Variants in ROR2 observed in about 807,000 individuals in gnomAD.
ROR2 encodes tyrosine-protein kinase transmembrane receptor ROR2.
A neutral mutation model predicts 74.9 loss-of-function variants in ROR2; 33 were observed. That is an observed-to-expected ratio of 0.44 (90% confidence interval 0.33 to 0.59). The LOEUF is 0.59. Among genes scored for constraint, ROR2 ranks in the 20% least tolerant of loss-of-function variants. ROR2 has a pLI of 0.02. For missense variants in ROR2, 1,216 were observed against 1,313.8 expected, an observed-to-expected ratio of 0.93 and a Z score of 1.15; for synonymous variants, 586 against 558.7, an observed-to-expected ratio of 1.05 and a Z score of -0.69.
chr9:91,922,099 GCAA>G (rs556349605), intron 1 of ROR2, among the ~76,000 whole-genome samples: 5,684 of 147,618 alleles, frequency 0.039, 146 homozygotes, highest in African/African-American at 0.066. Context: ...CCAAACAACA[GCAA>G]CAACAACAAC....
intron 1 of ROR2, among the ~76,000 whole-genome samples, chr9:91,834,666 G>C (rs1376567141): frequency 6.6e-6 from 1 of 152,190 alleles, no homozygotes; most frequent in Non-Finnish European, 1.5e-5. Flanking sequence ...ATTCCAACAT[G>C]AAAAACCTAA....
At chr9:91,728,859 GC>G (rs1268553769) in intron 7 of ROR2, among the ~76,000 whole-genome samples, 2 of 152,170 alleles carry the variant, frequency 1.3e-5, no homozygotes, top group Non-Finnish European at 2.9e-5. Flanking sequence ...TCCCACAGCT[GC>G]ATGCCACTCC....
chr9:91,766,864 T>A (rs1826072722), intron 2 of ROR2, among the ~76,000 whole-genome samples: 1 of 152,178 alleles, frequency 6.6e-6, no homozygotes. Context: ...CCCTTTTAAT[T>A]GAACCAAAAA....
chr9:91,726,473 G>T, intron 8 of ROR2, 68 bp downstream of exon 8: 1 of 1,377,006 alleles, frequency 7.3e-7, no homozygotes, highest in Non-Finnish European at 1.0e-6. Context: ...ATTTAATGTT[G>T]GGGGAAACAA....
chr9:91,804,269 G>T (rs758918740), intron 1 of ROR2, among the ~76,000 whole-genome samples: 1 of 152,142 alleles, frequency 6.6e-6, no homozygotes, highest in Non-Finnish European at 1.5e-5. Flanking sequence ...CACCACCTTT[G>T]CCTCTCTCTC....
chr9:91,766,622 G>T (rs1237123923), intron 2 of ROR2, among the ~76,000 whole-genome samples: 2 of 152,202 alleles, frequency 1.3e-5, no homozygotes, highest in African/African-American at 4.8e-5. Flanking sequence ...TTTATAGCCA[G>T]TCATTTAGCC....
intron 1 of ROR2, among the ~76,000 whole-genome samples, chr9:91,881,405 A>G (rs1830107726): frequency 6.6e-6 from 1 of 152,234 alleles, no homozygotes; most frequent in South Asian, 2.1e-4. Flanking sequence ...CCAACTTTAA[A>G]TGAAATGACA....
chr9:91,781,252 T>G (rs1417720747), intron 1 of ROR2, among the ~76,000 whole-genome samples: 1 of 152,138 alleles, frequency 6.6e-6, no homozygotes, highest in Non-Finnish European at 1.5e-5. Flanking sequence ...AAAGTGACGG[T>G]GCTGCAAACC....
intron 1 of ROR2, among the ~76,000 whole-genome samples, chr9:91,908,713 A>G (rs867373264): frequency 2.6e-5 from 4 of 151,850 alleles, no homozygotes; most frequent in Middle Eastern, 3.4e-3. Context: ...AATTAATAAC[A>G]TATTTAAAAG....
chr9:91,750,941 T>C (rs1825579153), intron 4 of ROR2, among the ~76,000 whole-genome samples: 1 of 152,206 alleles, frequency 6.6e-6, no homozygotes, highest in Admixed American at 6.5e-5. Context: ...ACACCTAAGA[T>C]GCTGGCAACA....
intron 1 of ROR2, among the ~76,000 whole-genome samples, chr9:91,846,099 TG>T (rs1828921620): frequency 1.3e-5 from 2 of 152,122 alleles, no homozygotes; most frequent in Admixed American, 1.3e-4. Flanking sequence ...TCTACAACAA[TG>T]GGGCCCAGGC....
chr9:91,883,457 G>C, intron 1 of ROR2: 1 of 152,108 alleles, frequency 6.6e-6, no homozygotes, highest in East Asian at 1.9e-4. Flanking sequence ...CAATATAGTA[G>C]CCACTAGCCA....
Position 91,886,643 on chromosome 9 carries a change from C to T in ROR2, c.97+63224G>A, listed in dbSNP as rs1830283090. The T allele has an allele frequency of 2.0e-5, 3 of 152,250 alleles. No homozygotes were observed. The South Asian group carries it at 6.2e-4, about 32-fold the overall frequency. 9.4% of individuals were successfully genotyped at this position (152,250 alleles called of 1,614,324 possible). On this transcript the variant is annotated intron_variant, in intron 1 of 8. Coordinates refer to ENST00000375708, the MANE Select transcript of ROR2 (RefSeq NM_004560.4). Reference sequence around the variant, plus strand: ...GAGGGTTAAGCTATCCCTGACCACACCGCCTCTACTCGGGAAATACAAACC... The same window carrying T: ...GAGGGTTAAGCTATCCCTGACCACATCGCCTCTACTCGGGAAATACAAACC...
chr9:91,842,902 C>T (rs1256658324), intron 1 of ROR2, among the ~76,000 whole-genome samples: 2 of 152,370 alleles, frequency 1.3e-5, no homozygotes, highest in East Asian at 1.9e-4. Flanking sequence ...TGTCTTCCCC[C>T]TCTCTCGAGC....
chr9:91,861,794 T>A (rs908388538), intron 1 of ROR2, among the ~76,000 whole-genome samples: 2 of 152,190 alleles, frequency 1.3e-5, no homozygotes, highest in Admixed American at 6.5e-5. Context: ...TAACATTAAA[T>A]AAGTAAAAAG....
intron 1 of ROR2, among the ~76,000 whole-genome samples, chr9:91,796,678 G>C (rs1042690058): frequency 1.3e-5 from 2 of 152,058 alleles, no homozygotes; most frequent in Admixed American, 1.3e-4. Flanking sequence ...CTGACAGTCT[G>C]GGCTAGTAGA....
At chr9:91,918,648 G>A (rs1326209575) in intron 1 of ROR2, among the ~76,000 whole-genome samples, 1 of 152,154 alleles carries the variant, frequency 6.6e-6, no homozygotes, top group Non-Finnish European at 1.5e-5. Context: ...TAGTAGTGAT[G>A]GTTATACGAT....
At chr9:91,727,614 C>T (rs537508884) in intron 7 of ROR2, among the ~76,000 whole-genome samples, 6 of 152,296 alleles carry the variant, frequency 3.9e-5, no homozygotes, top group African/African-American at 7.2e-5. Context: ...CGTTTCAGGA[C>T]GCTGACCCTA....
chr9:91,875,366 A>G (rs769660464), intron 1 of ROR2, among the ~76,000 whole-genome samples: 55 of 152,248 alleles, frequency 3.6e-4, no homozygotes, highest in Non-Finnish European at 6.0e-4. Context: ...GGAAATGTAG[A>G]TGCTTTGAAA....
Sources: gnomAD v4.1 joint callset for allele counts (sites outside exome capture counted in the v4.1 genomes callset) on GRCh38, gnomAD v4.1.1 for gene constraint, MANE v1.5 for transcripts, NCBI Gene and HGNC (gene_info 2026-07-23, HGNC 2026-07-21) for gene names.